The following PTPRD variants were observed in gnomAD, a reference collection of about 807,000 sequenced individuals.
PTPRD encodes protein tyrosine phosphatase receptor type D.
A neutral mutation model predicts 214.5 loss-of-function variants in PTPRD; 34 were observed. The observed-to-expected ratio is 0.16, with a 90% CI of 0.12 to 0.21. The LOEUF (loss-of-function observed/expected upper bound fraction) is 0.21. Ranked by LOEUF, PTPRD falls within the 10% of genes least tolerant of loss-of-function variation. PTPRD has a pLI of 1.00. For synonymous variants in PTPRD, 1,128 were observed against 845.7 expected (o/e 1.33, Z -5.79); for missense variants, 2,545 against 2,398.7 (o/e 1.06, Z -1.27).
At chr9:8,542,009 G>A (rs1205585054) in intron 14 of PTPRD, among the ~76,000 whole-genome samples, 1 of 151,976 alleles carries the variant, frequency 6.6e-6, no homozygotes, top group Non-Finnish European at 1.5e-5. Context: ...CTTATCTTTT[G>A]CAACTAGATG....
intron 7 of PTPRD, among the ~76,000 whole-genome samples, chr9:9,628,027 A>C (rs1350230906): frequency 1.3e-5 from 2 of 152,176 alleles, no homozygotes; most frequent in East Asian, 3.8e-4. Context: ...ATAAGAAACT[A>C]ATATTTGTAT....
At chr9:8,938,620 T>G (rs544967473) in intron 11 of PTPRD, among the ~76,000 whole-genome samples, 5 of 151,920 alleles carry the variant, frequency 3.3e-5, no homozygotes. Context: ...TTCAATCTGA[T>G]AGCATTTAAT....
At chr9:9,909,327 T>C (rs538007225) in intron 5 of PTPRD, among the ~76,000 whole-genome samples, 1 of 151,694 alleles carries the variant, frequency 6.6e-6, no homozygotes, top group Non-Finnish European at 1.5e-5. Flanking sequence ...GTTTTTTTTT[T>C]TTTTTTACGG....
intron 8 of PTPRD, among the ~76,000 whole-genome samples, chr9:9,405,857 C>T (rs1008539649): frequency 2.0e-5 from 3 of 151,816 alleles, no homozygotes; most frequent in Admixed American, 6.6e-5. Context: ...GATGTTTGTC[C>T]TTTGGCTTTT....
chr9:8,858,095 CT>C, intron 11 of PTPRD: 1 of 159,594 alleles, frequency 6.3e-6, no homozygotes, highest in Non-Finnish European at 1.4e-5. Flanking sequence ...TCTCCTCCCC[CT>C]CCTCCTCCTC....
At chr9:10,266,521 T>C (rs1439799943) in intron 3 of PTPRD, among the ~76,000 whole-genome samples, 1 of 152,170 alleles carries the variant, frequency 6.6e-6, no homozygotes, top group Non-Finnish European at 1.5e-5. Flanking sequence ...ATGCAGAATA[T>C]ATCTTGAAAG....
At chr9:8,437,840 C>T (rs1590418902) in intron 34 of PTPRD, among the ~76,000 whole-genome samples, 1 of 152,158 alleles carries the variant, frequency 6.6e-6, no homozygotes, top group East Asian at 1.9e-4. Flanking sequence ...TCATAGATTC[C>T]ATGAAAAATA....
At chr9:9,402,028 T>A (rs545116497) in intron 8 of PTPRD, among the ~76,000 whole-genome samples, 1 of 152,224 alleles carries the variant, frequency 6.6e-6, no homozygotes, top group Non-Finnish European at 1.5e-5. Flanking sequence ...AATGCAGTCA[T>A]AATTGTGAGT....
At chr9:8,356,260 A>T (rs1588525010) in intron 39 of PTPRD, among the ~76,000 whole-genome samples, 1 of 152,214 alleles carries the variant, frequency 6.6e-6, no homozygotes, top group African/African-American at 2.4e-5. Context: ...ATACCATGTA[A>T]TAAGACCTAA....
intron 12 of PTPRD, among the ~76,000 whole-genome samples, chr9:8,690,849 G>C (rs967805107): frequency 2.6e-5 from 4 of 152,136 alleles, no homozygotes; most frequent in African/African-American, 9.7e-5. Context: ...AAAGGACTTT[G>C]AATATTCAAG....
chr9:8,500,915 T>C lies in PTPRD; in HGVS notation c.1967A>G (p.Asp656Gly), dbSNP rs2136972343. ...TCCCAAAATCTCGTGAGGCTTGTCATCTTCCCCATCCACTGCAGTGTACTT... is the reference window on the plus strand; with the variant it reads ...TCCCAAAATCTCGTGAGGCTTGTCACCTTCCCCATCCACTGCAGTGTACTT... ...SIKYTAVDGE[D>G]DKPHEILGIP... Residue 656 changes from aspartate (D) to glycine (G), a missense_variant, in exon 24 of 46, where the codon GAT becomes GGT. Physicochemically the swap from Asp to Gly is moderately conservative, Grantham distance 94 (BLOSUM62 -1). Coordinates refer to ENST00000381196, the MANE Select transcript of PTPRD (RefSeq NM_002839.4). 2 of 1,614,162 alleles carry C rather than the reference T, an allele frequency of 1.2e-6. No homozygotes were observed. The highest frequency in any genetic ancestry group is 1.3e-5 in the African/African-American group (1 of 75,042).
At chr9:8,714,170 C>T (rs894751325) in intron 12 of PTPRD, among the ~76,000 whole-genome samples, 1 of 152,190 alleles carries the variant, frequency 6.6e-6, no homozygotes, top group Non-Finnish European at 1.5e-5. Flanking sequence ...GGACATCCAT[C>T]ACTTCAGGAG....
chr9:8,938,097 G>A (rs922185341), intron 11 of PTPRD, among the ~76,000 whole-genome samples: 1 of 152,122 alleles, frequency 6.6e-6, no homozygotes, highest in African/African-American at 2.4e-5. Context: ...TATTGCAAAA[G>A]GAACTACTGT....
intron 3 of PTPRD, among the ~76,000 whole-genome samples, chr9:10,117,351 A>G (rs1001962122): frequency 6.6e-6 from 1 of 152,108 alleles, no homozygotes; most frequent in Non-Finnish European, 1.5e-5. Flanking sequence ...GTGTCTATGG[A>G]CAATGTATTA....
chr9:10,187,707 G>A (rs2099344544), intron 3 of PTPRD, among the ~76,000 whole-genome samples: 1 of 152,186 alleles, frequency 6.6e-6, no homozygotes, highest in African/African-American at 2.4e-5. Flanking sequence ...GAGGTTTTCT[G>A]CTTTAGAAAG....
intron 9 of PTPRD, among the ~76,000 whole-genome samples, chr9:9,187,365 T>C (rs1372926040): frequency 6.6e-6 from 1 of 152,066 alleles, no homozygotes. Context: ...AGGATAGTCC[T>C]TTGCATTACC....
intron 14 of PTPRD, among the ~76,000 whole-genome samples, chr9:8,591,236 G>T (rs1457064692): frequency 6.6e-6 from 1 of 152,146 alleles, no homozygotes; most frequent in South Asian, 2.1e-4. Flanking sequence ...CCTTTGCCTT[G>T]TAGGGTAACA....
At chr9:8,434,075 C>G (rs771680689) in intron 35 of PTPRD, among the ~76,000 whole-genome samples, 1 of 152,134 alleles carries the variant, frequency 6.6e-6, no homozygotes, top group Non-Finnish European at 1.5e-5. Context: ...CTCTGCCTCC[C>G]AGGTTCAAGC....
At chr9:9,656,389 T>C (rs1203269214) in intron 7 of PTPRD, among the ~76,000 whole-genome samples, 1 of 152,058 alleles carries the variant, frequency 6.6e-6, no homozygotes, top group Non-Finnish European at 1.5e-5. Context: ...AATGTACAAA[T>C]ACACTGATAC....
Sources: allele counts gnomAD v4.1 joint callset (sites outside exome capture counted in the v4.1 genomes callset), GRCh38; gene constraint gnomAD v4.1.1; transcripts MANE v1.5; gene names NCBI Gene and HGNC (gene_info 2026-07-23, HGNC 2026-07-21).